LHFPL2: variants seen among roughly 807,000 people sequenced by gnomAD.
The protein encoded by LHFPL2 is LHFPL tetraspan subfamily member 2 protein.
Under a neutral mutation model 17.5 loss-of-function variants are expected in LHFPL2, and 7 were observed. The ratio of observed to expected loss-of-function variants is 0.40; its 90% CI spans 0.23 to 0.75. LHFPL2 has a LOEUF of 0.75. LHFPL2 is among the 30% of genes least tolerant of loss of function. The probability of loss-of-function intolerance (pLI) is 0.37; values close to 1 mark genes in which losing one functional copy is unlikely to be tolerated. For synonymous variants in LHFPL2, 134 were observed against 116.2 expected (o/e 1.15, Z -0.99); for missense variants, 241 against 294.8 (o/e 0.82, Z 1.34).
At chr5:78,529,105 C>T (rs541124836) in intron 3 of LHFPL2, among the ~76,000 whole-genome samples, 6 of 150,466 alleles carry the variant, frequency 4.0e-5, no homozygotes, top group South Asian at 2.1e-4. Flanking sequence ...AACAAGACCA[C>T]GTCTCTGAAA....
chr5:78,629,983 A>C (rs1745184440), intron 2 of LHFPL2, among the ~76,000 whole-genome samples: 1 of 152,250 alleles, frequency 6.6e-6, no homozygotes, highest in Non-Finnish European at 1.5e-5. Flanking sequence ...ACGTATGACA[A>C]GTTCAGAAGC....
chr5:78,616,071 T>A (rs1357694905), intron 2 of LHFPL2, among the ~76,000 whole-genome samples: 1 of 152,016 alleles, frequency 6.6e-6, no homozygotes, highest in African/African-American at 2.4e-5. Context: ...CTCCTCCCCA[T>A]CCTCCCATTC....
intron 3 of LHFPL2, among the ~76,000 whole-genome samples, chr5:78,522,077 C>T (rs1755475023): frequency 6.6e-6 from 1 of 152,192 alleles, no homozygotes; most frequent in African/African-American, 2.4e-5. Context: ...GCTTTTTCCT[C>T]TCTTCTCACC....
At chr5:78,503,396 T>C (rs1754832102) in intron 4 of LHFPL2, among the ~76,000 whole-genome samples, 1 of 152,238 alleles carries the variant, frequency 6.6e-6, no homozygotes, top group Admixed American at 6.5e-5. Flanking sequence ...ACTCATTCTT[T>C]AAAAACAGGT....
At chr5:78,560,857 A>G (rs1334404721) in intron 3 of LHFPL2, among the ~76,000 whole-genome samples, 1 of 152,220 alleles carries the variant, frequency 6.6e-6, no homozygotes, top group East Asian at 1.9e-4. Context: ...TTACTTGATA[A>G]ATTAGAAACT....
chr5:78,556,925 G>T (rs1032109094), intron 3 of LHFPL2, among the ~76,000 whole-genome samples: 1 of 151,844 alleles, frequency 6.6e-6, no homozygotes, highest in Non-Finnish European at 1.5e-5. Context: ...TTTGATAACT[G>T]GGGGGACAGG....
rs769653610 is a variant in LHFPL2, at chr5:78,486,293, A to T, written c.*2604T>A. On this transcript the variant is annotated 3_prime_UTR_variant, in exon 5 of 5. Coordinates refer to ENST00000380345, the MANE Select transcript of LHFPL2 (RefSeq NM_005779.3). ...AATATTTCTGCCTCAGAGTTCATTG[A>T]GAAGCGCAGCCCATCCCATCCCGTC... 3 of 152,404 alleles carry T rather than the reference A, an allele frequency of 2.0e-5. No homozygotes were observed. Among genetic ancestry groups the T allele is most frequent in the Non-Finnish European group, 4.4e-5 (3 of 68,046 alleles). The allele number at this position is 152,404 out of a possible 1,614,324, so 9.4% of individuals were successfully genotyped here.
intron 3 of LHFPL2, among the ~76,000 whole-genome samples, chr5:78,519,439 G>A (rs1451797802): frequency 1.3e-5 from 2 of 152,120 alleles, no homozygotes; most frequent in African/African-American, 4.8e-5. Context: ...GATCTGTCAG[G>A]CTTCAGGAAG....
At chr5:78,519,228 G>C (rs1418050847) in intron 3 of LHFPL2, among the ~76,000 whole-genome samples, 2 of 152,106 alleles carry the variant, frequency 1.3e-5, no homozygotes, top group Admixed American at 1.3e-4. Context: ...ATTTTGGTTA[G>C]GTGATAAAAA....
Position 78,485,793 on chromosome 5 carries a change from T to C in LHFPL2, c.*3104A>G, listed in dbSNP as rs1754218325. The C allele has an allele frequency of 6.6e-6, 1 of 152,638 alleles. No individual in the cohort carries two copies. Among genetic ancestry groups the C allele is most frequent in the African/African-American group, 2.4e-5 (1 of 41,450 alleles). 9.5% of individuals were successfully genotyped at this position (152,638 alleles called of 1,614,324 possible). A position where few individuals can be genotyped will look rare whatever the true frequency, so the allele number is the denominator to read the frequency against. The stretch of plus-strand genomic sequence containing the variant: ...CAGCTTCACATTTCACATGAAAGAC[T>C]AGCATTAACTGGGCCTGGCGTGCGG... On this transcript the variant is annotated 3_prime_UTR_variant, in exon 5 of 5. Transcript: ENST00000380345.
Position 78,495,978 on chromosome 5 carries a change from C to T in LHFPL2, c.431-6825G>A, listed in dbSNP as rs115435751. Among the ~76,000 whole-genome samples, 962 of 152,328 alleles carry T rather than the reference C, an allele frequency of 6.3e-3. 4 individuals are homozygous for T. The highest frequency in any genetic ancestry group is 8.3e-3 in the Non-Finnish European group (566 of 68,034). On this transcript the variant is annotated intron_variant, in intron 4 of 4. Transcript: ENST00000380345. ...ACAGTGACCCCCTTGGACGCTCACG[C>T]ATCTGGGCATTCTCTCCCTCATTCC... is the stretch of plus-strand genomic sequence containing the variant.
chr5:78,640,188 A>G (rs573438986), intron 1 of LHFPL2, among the ~76,000 whole-genome samples: 1 of 152,048 alleles, frequency 6.6e-6, no homozygotes, highest in South Asian at 2.1e-4. Context: ...GTGAAATTAA[A>G]AAACAAAAAA....
chr5:78,577,266 A>T (rs1410932171), intron 2 of LHFPL2, among the ~76,000 whole-genome samples: 1 of 152,186 alleles, frequency 6.6e-6, no homozygotes, highest in Non-Finnish European at 1.5e-5. Flanking sequence ...TATCAACATG[A>T]GTTGTTTCAT....
chr5:78,631,762 C>G (rs879523079), intron 2 of LHFPL2, among the ~76,000 whole-genome samples: 5 of 152,078 alleles, frequency 3.3e-5, no homozygotes, highest in Non-Finnish European at 5.9e-5. Context: ...ATGGCGAAAC[C>G]TTGTCTCTAC....
chr5:78,526,757 T>C (rs575779154), intron 3 of LHFPL2, among the ~76,000 whole-genome samples: 17 of 152,312 alleles, frequency 1.1e-4, no homozygotes, highest in South Asian at 4.2e-4. Flanking sequence ...TTATTGTCAA[T>C]TGAATGCACT....
intron 2 of LHFPL2, among the ~76,000 whole-genome samples, chr5:78,565,173 T>TACA (rs1398037361): frequency 6.6e-6 from 1 of 152,148 alleles, no homozygotes; most frequent in Non-Finnish European, 1.5e-5. Flanking sequence ...AACTTAAAAA[T>TACA]ACAACTTGTG....
At chr5:78,493,356 G>A (rs1335631570) in intron 4 of LHFPL2, among the ~76,000 whole-genome samples, 1 of 152,204 alleles carries the variant, frequency 6.6e-6, no homozygotes, top group African/African-American at 2.4e-5. Context: ...GCATCCCTCA[G>A]GCACAGACTT....
rs1183830126 is a variant in LHFPL2, at chr5:78,583,778, G to A, written c.-244-18907C>T. 2.9e-3 allele frequency among the ~76,000 whole-genome samples: 431 copies of A among 149,506 alleles called. 2 individuals are homozygous for A. Among genetic ancestry groups the A allele is most frequent in the African/African-American group, 7.2e-3 (294 of 40,730 alleles). ...TATGTGTCTTGGAGTTGCTCTTCTC[G>A]AGGAGTATCTTTGTGGCGTTCTCTG... On this transcript the variant is annotated intron_variant, in intron 2 of 4. Coordinates refer to ENST00000380345, the MANE Select transcript of LHFPL2 (RefSeq NM_005779.3).
intron 2 of LHFPL2, among the ~76,000 whole-genome samples, chr5:78,600,404 C>G (rs1172671208): frequency 6.6e-6 from 1 of 152,056 alleles, no homozygotes; most frequent in East Asian, 1.9e-4. Flanking sequence ...AATTCCTCCA[C>G]TTTCTGAGTT....
Sources: allele counts gnomAD v4.1 joint callset (sites outside exome capture counted in the v4.1 genomes callset), GRCh38; gene constraint gnomAD v4.1.1; transcripts MANE v1.5; gene names NCBI Gene and HGNC (gene_info 2026-07-23, HGNC 2026-07-21).